The following TMEM117 variants were observed in gnomAD, a reference collection of about 807,000 sequenced individuals.
The protein encoded by TMEM117 is transmembrane protein 117.
Under a neutral mutation model 52.4 loss-of-function variants are expected in TMEM117, and 27 were observed. The observed-to-expected ratio is 0.51, with a 90% CI of 0.38 to 0.71. The LOEUF (loss-of-function observed/expected upper bound fraction) is 0.71. Ranked by LOEUF, TMEM117 falls within the 30% of genes least tolerant of loss-of-function variation. TMEM117 has a pLI of 0.00. For missense variants in TMEM117, 556 were observed against 630.5 expected (o/e 0.88, Z 1.26); for synonymous variants, 215 against 206.3 (o/e 1.04, Z -0.36).
chr12:44,376,827 C>A, intron 7 of TMEM117, 103 bp downstream of exon 7: 1 of 1,249,636 alleles, frequency 8.0e-7, no homozygotes, highest in Non-Finnish European at 1.1e-6. Flanking sequence ...GGCATAAATA[C>A]AATGTTATTT....
At chr12:44,310,925 A>C (rs1950966226) in intron 6 of TMEM117, among the ~76,000 whole-genome samples, 1 of 152,124 alleles carries the variant, frequency 6.6e-6, no homozygotes, top group African/African-American at 2.4e-5. Context: ...ATGATTTCTC[A>C]GCTCTCATGT....
chr12:44,333,792 G>C (rs1951304266), intron 6 of TMEM117, among the ~76,000 whole-genome samples: 1 of 151,994 alleles, frequency 6.6e-6, no homozygotes, highest in South Asian at 2.1e-4. Flanking sequence ...GTATTATGGA[G>C]AAGTAAAGAG....
At chr12:43,804,642 A>AGT in the TMEM117 span, 1 of 1,095,340 alleles carries the variant, frequency 9.1e-7, no homozygotes. Flanking sequence ...TATATTGGAA[A>AGT]AGTTAATTAG....
intron 5 of TMEM117, among the ~76,000 whole-genome samples, chr12:44,280,283 A>G (rs1423635807): frequency 1.3e-5 from 2 of 152,104 alleles, no homozygotes; most frequent in African/African-American, 2.4e-5. Context: ...TTCATATTTC[A>G]TTTCTATTTC....
At chr12:43,797,993 C>T in the TMEM117 span, 19 of 697,508 alleles carry the variant, frequency 2.7e-5, no homozygotes, top group Non-Finnish European at 3.7e-5. Flanking sequence ...AGCATTTTGT[C>T]AACATGCAGA....
At chr12:44,042,179 TATTTC>T (rs1317381642) in intron 3 of TMEM117, among the ~76,000 whole-genome samples, 3 of 152,214 alleles carry the variant, frequency 2.0e-5, no homozygotes, top group Non-Finnish European at 4.4e-5. Flanking sequence ...TTAATATTCA[TATTTC>T]ATTTCATAAA....
intron 7 of TMEM117, among the ~76,000 whole-genome samples, chr12:44,382,158 C>T (rs1250083031): frequency 6.6e-6 from 1 of 152,146 alleles, no homozygotes. Context: ...TCATTTTGCC[C>T]ATGGCCTGTC....
intron 2 of TMEM117, among the ~76,000 whole-genome samples, chr12:43,912,507 T>TTATATATA (rs56170922): frequency 0.013 from 1,696 of 131,738 alleles, 83 homozygotes; most frequent in African/African-American, 0.032. Flanking sequence ...TAATAATAAT[T>TTATATATA]TATATATATA....
intron 5 of TMEM117, among the ~76,000 whole-genome samples, chr12:44,252,352 A>C (rs995910235): frequency 6.6e-6 from 1 of 152,200 alleles, no homozygotes; most frequent in Middle Eastern, 3.4e-3. Context: ...AAAAATACAA[A>C]AATTAGCCAG....
chr12:43,952,366 C>A (rs1945238377), intron 3 of TMEM117, among the ~76,000 whole-genome samples: 1 of 151,896 alleles, frequency 6.6e-6, no homozygotes, highest in Non-Finnish European at 1.5e-5. Context: ...TATGTTCTAA[C>A]CCAATTCAAA....
chr12:43,798,397 T>C, the TMEM117 span, among the ~76,000 whole-genome samples: 1 of 152,256 alleles, frequency 6.6e-6, no homozygotes, highest in East Asian at 1.9e-4. Flanking sequence ...TCAATGCACA[T>C]GTTTAAGATT....
At chr12:43,801,033 TGA>T in the TMEM117 span, among the ~76,000 whole-genome samples, 1 of 152,178 alleles carries the variant, frequency 6.6e-6, no homozygotes, top group Non-Finnish European at 1.5e-5. Flanking sequence ...ATTACAGGCA[TGA>T]GCCACCGTGC....
intron 3 of TMEM117, among the ~76,000 whole-genome samples, chr12:44,098,099 T>A (rs1947802040): frequency 6.6e-6 from 1 of 152,072 alleles, no homozygotes; most frequent in East Asian, 1.9e-4. Context: ...ATTAACATAT[T>A]TGAAAATAGA....
intron 5 of TMEM117, among the ~76,000 whole-genome samples, chr12:44,211,670 C>T (rs1949646841): frequency 1.3e-5 from 2 of 152,138 alleles, no homozygotes; most frequent in South Asian, 4.1e-4. Flanking sequence ...CTGTAATTTT[C>T]ATCAGTAAAA....
Position 43,867,417 on chromosome 12 carries a change from G to C in TMEM117, c.277+22489G>C, listed in dbSNP as rs372619090. 2.6e-5 allele frequency among the ~76,000 whole-genome samples: 4 copies of C among 152,152 alleles called. No individual in the cohort carries two copies. In the East Asian group the frequency reaches 5.8e-4, roughly 22 times the overall value. On this transcript the variant is annotated intron_variant, in intron 2 of 7. Transcript: ENST00000266534. ...ATGCCAAAAGAAGGCAGGAAAAGAG[G>C]AGCAGAGGAAGAGTATACAGATGGG...
At chr12:44,225,205 G>A (rs1949845236) in intron 5 of TMEM117, among the ~76,000 whole-genome samples, 1 of 152,200 alleles carries the variant, frequency 6.6e-6, no homozygotes, top group Non-Finnish European at 1.5e-5. Flanking sequence ...CAACTTTTAG[G>A]TTTCCCCTCA....
chr12:44,046,216 C>T (rs933272335), intron 3 of TMEM117, among the ~76,000 whole-genome samples: 1 of 152,092 alleles, frequency 6.6e-6, no homozygotes, highest in East Asian at 1.9e-4. Flanking sequence ...GGTCTTAGTT[C>T]CAGAGGGAGG....
intron 3 of TMEM117, among the ~76,000 whole-genome samples, chr12:44,115,642 A>C (rs1320997711): frequency 2.0e-5 from 3 of 152,034 alleles, no homozygotes; most frequent in Non-Finnish European, 4.4e-5. Flanking sequence ...CTGTGACATC[A>C]GGCTGTTTCT....
At chr12:44,349,197 G>A (rs1448317442) in intron 6 of TMEM117, among the ~76,000 whole-genome samples, 1 of 151,988 alleles carries the variant, frequency 6.6e-6, no homozygotes, top group Non-Finnish European at 1.5e-5. Context: ...GTTTGATGGA[G>A]TGTGCCTCTT....
Sources: gnomAD v4.1 joint callset for allele counts (sites outside exome capture counted in the v4.1 genomes callset) on GRCh38, gnomAD v4.1.1 for gene constraint, MANE v1.5 for transcripts, NCBI Gene and HGNC (gene_info 2026-07-23, HGNC 2026-07-21) for gene names.